The following SLC22A25 variants were observed in gnomAD, a reference collection of about 807,000 sequenced individuals.
SLC22A25 encodes the protein MGI:2442751, MGI:2385316, MGI:3042283, MGI:3645714, MGI:3605624, MGI:2442750.
In SLC22A25, 44 loss-of-function variants were observed where a neutral mutation model predicts 45.9. The ratio of observed to expected loss-of-function variants is 0.96; its 90% CI spans 0.75 to 1.23. The LOEUF is 1.23. Ranked by LOEUF, SLC22A25 falls within the 50% of genes most tolerant of loss-of-function variation. The pLI is 0.00. For missense variants in SLC22A25, 800 were observed against 666.4 expected (o/e 1.20, Z -2.21); for synonymous variants, 283 against 238.6 (o/e 1.19, Z -1.72).
rs772477297 is a variant in SLC22A25 at position 63,217,773 on chromosome 11, A to C, written c.507-38T>G. On this transcript the variant is annotated intron_variant, in intron 5 of 11. Transcript: ENST00000306494. ...GGCACATTAGATAATGGGAACAATA[A>C]CAACCTTTGGGAAATGTTAGCAAAG... 3.2e-6 allele frequency: 5 copies of C among 1,567,548 alleles called. No individual in the cohort carries two copies. The East Asian group carries it at 1.1e-4, about 35-fold the overall frequency.
chr11:63,236,496 A>G (rs1193897), intron 3 of SLC22A25, among the ~76,000 whole-genome samples: 77,814 of 151,990 alleles, frequency 0.51, 20,850 homozygotes, highest in African/African-American at 0.67. Flanking sequence ...TTGGAAAAGC[A>G]TAGTATTAGG....
intron 7 of SLC22A25, among the ~76,000 whole-genome samples, chr11:63,212,093 A>G (rs2089583116): frequency 6.6e-6 from 1 of 152,184 alleles, no homozygotes; most frequent in South Asian, 2.1e-4. Flanking sequence ...GCCATCAGAG[A>G]AATGCAAATC....
intron 7 of SLC22A25, among the ~76,000 whole-genome samples, chr11:63,203,037 C>G (rs1444935687): frequency 6.6e-6 from 1 of 152,194 alleles, no homozygotes; most frequent in Non-Finnish European, 1.5e-5. Context: ...GGACCTCCAG[C>G]AAATGCCATC....
At chr11:63,171,000 T>C (rs2087861275) in intron 9 of SLC22A25, among the ~76,000 whole-genome samples, 1 of 152,202 alleles carries the variant, frequency 6.6e-6, no homozygotes, top group Non-Finnish European at 1.5e-5. Flanking sequence ...GATGCAAGGC[T>C]GGTCCAACAT....
At chr11:63,177,854 G>T (rs1160758360) in intron 9 of SLC22A25, among the ~76,000 whole-genome samples, 8 of 3,700 alleles carry the variant, frequency 2.2e-3, no homozygotes, top group Non-Finnish European at 2.9e-3. Flanking sequence ...TATATATAAT[G>T]TATATATATA....
chr11:63,232,713 G>A (rs2090092447), intron 3 of SLC22A25, among the ~76,000 whole-genome samples: 1 of 152,184 alleles, frequency 6.6e-6, no homozygotes, highest in African/African-American at 2.4e-5. Context: ...TAGTGTGCCA[G>A]TTTTCAAAGG....
intron 7 of SLC22A25, among the ~76,000 whole-genome samples, chr11:63,197,181 C>G (rs913870727): frequency 5.3e-5 from 8 of 152,108 alleles, no homozygotes; most frequent in African/African-American, 1.4e-4. Context: ...CCATACTGCC[C>G]AAGGTAATTT....
In SLC22A25 at chr11:63,199,415, C is replaced by T. The variant is rs112019309; in HGVS notation, c.831-15598G>A. Among the ~76,000 whole-genome samples the T allele has an allele frequency of 1.7e-3, 264 of 152,180 alleles. 3 individuals are homozygous for T. The highest frequency in any genetic ancestry group is 5.5e-3 in the African/African-American group (229 of 41,528). The stretch of plus-strand genomic sequence containing the variant: ...CTGAAATTGAGGCAGTAATAAATAA[C>T]CTACTGAAGGAAATAATGTATACAG... On this transcript the variant is annotated intron_variant, in intron 7 of 11. Transcript: ENST00000306494.
At chr11:63,242,140 C>A (rs111992285) in intron 1 of SLC22A25, among the ~76,000 whole-genome samples, 1 of 152,102 alleles carries the variant, frequency 6.6e-6, no homozygotes, top group South Asian at 2.1e-4. Flanking sequence ...CTAGTTGGGA[C>A]AGAAACTAAC....
intron 8 of SLC22A25, among the ~76,000 whole-genome samples, chr11:63,182,492 T>C (rs1190324555): frequency 6.6e-6 from 1 of 150,542 alleles, no homozygotes; most frequent in Non-Finnish European, 1.5e-5. Context: ...ATATATATAT[T>C]CTCTCTATAT....
At chr11:63,193,954 T>C (rs964295053) in intron 7 of SLC22A25, among the ~76,000 whole-genome samples, 6 of 152,084 alleles carry the variant, frequency 3.9e-5, no homozygotes, top group Non-Finnish European at 7.4e-5. Flanking sequence ...ATAAACAGTG[T>C]AGAGAAAACC....
At chr11:63,226,666 A>C (rs2089968098) in intron 5 of SLC22A25, among the ~76,000 whole-genome samples, 1 of 152,214 alleles carries the variant, frequency 6.6e-6, no homozygotes, top group South Asian at 2.1e-4. Context: ...TATTTGCTAA[A>C]GGTCCTAGGG....
Position 63,217,600 on chromosome 11 carries a change from A to G in SLC22A25, c.642T>C (p.Ile214=), listed in dbSNP as rs1204349566. Residue 214 remains isoleucine (I), a synonymous_variant, in exon 6 of 12, where the codon ATT becomes ATC. Coordinates refer to ENST00000306494, the MANE Select transcript of SLC22A25 (RefSeq NM_199352.6). The stretch of plus-strand genomic sequence containing the variant: ...ACTTACTTAACAAAACAGTATTTAC[A>G]ATGATGCTAAATGTAGCAGCCCCAG... ...FLAGAATFSI[I]VNTVLLIVEW... The G allele has an allele frequency of 6.2e-7, 1 of 1,613,372 alleles. No homozygotes were observed. The highest frequency in any genetic ancestry group is 1.7e-5 in the Admixed American group (1 of 59,764).
intron 7 of SLC22A25, among the ~76,000 whole-genome samples, chr11:63,194,518 A>G (rs2134761612): frequency 6.6e-6 from 1 of 152,238 alleles, no homozygotes; most frequent in African/African-American, 2.4e-5. Flanking sequence ...AAATGCTGAG[A>G]GATTTTGTCA....
In SLC22A25 at chr11:63,242,482, A is replaced by G. The variant is rs149008360; in HGVS notation, c.-996+952T>C. Among the ~76,000 whole-genome samples, 1,031 of 152,294 alleles carry G rather than the reference A, an allele frequency of 6.8e-3. 6 individuals carry two copies. Among genetic ancestry groups the G allele is most frequent in the African/African-American group, 0.024 (994 of 41,566 alleles). ...GTCATATTTAGTAGACTTGTTTAAT[A>G]TCGTTGCTTCCTTGGCATGCCTTTT... On this transcript the variant is annotated intron_variant, in intron 1 of 11. Coordinates refer to ENST00000306494, the MANE Select transcript of SLC22A25 (RefSeq NM_199352.6).
At chr11:63,220,367 G>A (rs994586979) in intron 5 of SLC22A25, among the ~76,000 whole-genome samples, 5 of 152,160 alleles carry the variant, frequency 3.3e-5, no homozygotes, top group Admixed American at 6.5e-5. Context: ...TGAATTCCAT[G>A]TCGTGAAACA....
At chr11:63,240,434 C>G (rs1590928443) in intron 1 of SLC22A25, among the ~76,000 whole-genome samples, 1 of 152,178 alleles carries the variant, frequency 6.6e-6, no homozygotes, top group African/African-American at 2.4e-5. Flanking sequence ...CTTATAAACA[C>G]TGTACACTTG....
rs181933181 is a variant in SLC22A25 at position 63,185,406 on chromosome 11, C to A, written c.831-1589G>T. 8.8e-3 allele frequency among the ~76,000 whole-genome samples: 1,332 copies of A among 151,240 alleles called. 9 individuals carry two copies. The highest frequency in any genetic ancestry group is 0.018 in the African/African-American group (762 of 41,236). On this transcript the variant is annotated intron_variant, in intron 7 of 11. Transcript: ENST00000306494. ...TGTGGTGTTTGGTTTTCTGTCCTTG[C>A]GATAGTTTGCTGAGAATGATGGTTT...
intron 7 of SLC22A25, among the ~76,000 whole-genome samples, chr11:63,206,206 T>G (rs1470243163): frequency 6.6e-6 from 1 of 152,208 alleles, no homozygotes; most frequent in African/African-American, 2.4e-5. Flanking sequence ...GCTGGAAGCA[T>G]TCCCTTTGAA....
Sources: allele counts gnomAD v4.1 joint callset (sites outside exome capture counted in the v4.1 genomes callset), GRCh38; gene constraint gnomAD v4.1.1; transcripts MANE v1.5; gene names NCBI Gene and HGNC (gene_info 2026-07-23, HGNC 2026-07-21).